Variants in CD200R1L observed in about 807,000 individuals in gnomAD.
CD200R1L encodes the protein CD200 receptor 1 like, also known as cell surface glycoprotein CD200 receptor 2.
CD200R1L carries 14 observed loss-of-function variants against 24.8 expected under a neutral mutation model. That is an observed-to-expected ratio of 0.56 (90% CI 0.37 to 0.88). CD200R1L has a LOEUF of 0.88. Ranked by LOEUF, CD200R1L falls within the 40% of genes least tolerant of loss-of-function variation. The pLI, the probability that CD200R1L is intolerant of heterozygous loss-of-function variation, is 0.00. For synonymous variants in CD200R1L, 111 were observed against 109.2 expected, an observed-to-expected ratio of 1.02 and a Z score of -0.11; for missense variants, 299 against 297.8, an observed-to-expected ratio of 1.00 and a Z score of -0.03.
At chr3:112,843,581 T>A (rs528159941) in intron 2 of CD200R1L, among the ~76,000 whole-genome samples, 1 of 152,336 alleles carries the variant, frequency 6.6e-6, no homozygotes, top group East Asian at 1.9e-4. Flanking sequence ...TGCGGAAATT[T>A]AAGAACAATG....
chr3:112,830,788 AC>A (rs1281513352), intron 3 of CD200R1L, among the ~76,000 whole-genome samples: 1 of 151,724 alleles, frequency 6.6e-6, no homozygotes, highest in Non-Finnish European at 1.5e-5. Flanking sequence ...TATTTTACCC[AC>A]CCTGGATGTA....
At chr3:112,838,222 C>G (rs1414749097) in intron 2 of CD200R1L, among the ~76,000 whole-genome samples, 1 of 146,212 alleles carries the variant, frequency 6.8e-6, no homozygotes, top group Non-Finnish European at 1.5e-5. Context: ...AGGATTTTGA[C>G]ATTTCTTTTG....
chr3:112,818,087 C>T (rs956551650), intron 7 of CD200R1L, among the ~76,000 whole-genome samples: 3 of 152,176 alleles, frequency 2.0e-5, no homozygotes, highest in Admixed American at 6.5e-5. Flanking sequence ...TCCCACAACA[C>T]GTGAGAATTC....
intron 2 of CD200R1L, among the ~76,000 whole-genome samples, chr3:112,843,202 T>C (rs1264190528): frequency 6.6e-6 from 1 of 152,086 alleles, no homozygotes; most frequent in South Asian, 2.1e-4. Flanking sequence ...ACGTGCAAAT[T>C]TGAGAAATTC....
intron 3 of CD200R1L, among the ~76,000 whole-genome samples, chr3:112,836,383 C>T (rs1057317699): frequency 3.9e-5 from 6 of 152,190 alleles, no homozygotes; most frequent in East Asian, 1.9e-4. Context: ...CCAGACAGCC[C>T]GCCACTGCAT....
In CD200R1L at chr3:112,845,723, A is replaced by C; in HGVS notation, c.-131T>G. On this transcript the variant is annotated 5_prime_UTR_variant, in exon 2 of 8. The change abolishes an upstream ATG in the 5' untranslated region. Coordinates refer to ENST00000488794, the MANE Select transcript of CD200R1L (RefSeq NM_001199215.3). ...GGAAATCAGTAATCTTGGAGCTGACATCTTCCCTAAAGTATGCTTTTGGAG... is the reference window on the plus strand; with the variant it reads ...GGAAATCAGTAATCTTGGAGCTGACCTCTTCCCTAAAGTATGCTTTTGGAG... 6.2e-6 allele frequency: 10 copies of C among 1,613,052 alleles called. No individual in the cohort carries two copies. Among genetic ancestry groups the C allele is most frequent in the Non-Finnish European group, 7.6e-6 (9 of 1,179,268 alleles).
Position 112,835,739 on chromosome 3 carries a change from C to T in CD200R1L, c.-18+2203G>A, listed in dbSNP as rs562727351. Among the ~76,000 whole-genome samples the T allele has an allele frequency of 2.4e-4, 37 of 152,364 alleles. 2 individuals are homozygous for T. The highest frequency in any genetic ancestry group is 1.2e-3 in the Admixed American group (19 of 15,312). On this transcript the variant is annotated intron_variant, in intron 3 of 7. Coordinates refer to ENST00000488794, the MANE Select transcript of CD200R1L (RefSeq NM_001199215.3). ...TCAAGCTGCCCTCAGCAACCCCCCT[C>T]GGCCTTTCTCCCATGCTTATTGGTG...
rs758214511 is a variant in CD200R1L at position 112,819,819 on chromosome 3, A to T, written c.693T>A (p.Ile231=). The T allele has an allele frequency of 6.2e-7, 1 of 1,612,016 alleles. No individual in the cohort carries two copies. Among genetic ancestry groups the T allele is most frequent in the Admixed American group, 1.7e-5 (1 of 59,594 alleles). Residue 231 remains isoleucine, a synonymous_variant, in exon 7 of 8, where the codon ATT becomes ATA. Transcript: ENST00000488794. Reference sequence around the variant, plus strand: ...AGAAAACAAATCCTGTGGTGACCAGAATGACCACAAAAAGAGAGAGTTTCA... The same window carrying T: ...AGAAAACAAATCCTGTGGTGACCAGTATGACCACAAAAAGAGAGAGTTTCA... ...LYVKLSLFVV[I]LVTTGFVFFQ...
intron 2 of CD200R1L, among the ~76,000 whole-genome samples, chr3:112,838,233 T>C (rs929256259): frequency 1.4e-5 from 2 of 146,430 alleles, no homozygotes; most frequent in African/African-American, 5.6e-5. Context: ...ATTTCTTTTG[T>C]AGTTATGAAT....
intron 2 of CD200R1L, among the ~76,000 whole-genome samples, chr3:112,845,370 A>C (rs995822661): frequency 3.9e-5 from 6 of 152,198 alleles, no homozygotes. Flanking sequence ...ACTAATAACA[A>C]GTTCTCAAAT....
Position 112,845,964 on chromosome 3 carries a change from C to CA in CD200R1L, c.-358-15dup. On this transcript the variant is annotated splice_polypyrimidine_tract_variant and intron_variant, in intron 1 of 7. Coordinates refer to ENST00000488794, the MANE Select transcript of CD200R1L (RefSeq NM_001199215.3). ...CAGTGAGTTTTGCTGTGTAATAAAGCAAAAAAGCCAATGCTTACTACTCAT... is the reference window on the plus strand; with the variant it reads ...CAGTGAGTTTTGCTGTGTAATAAAGCAAAAAAAGCCAATGCTTACTACTCAT... 1 of 471,224 alleles carries CA rather than the reference C, an allele frequency of 2.1e-6. No homozygotes were observed. Among genetic ancestry groups the CA allele is most frequent in the Non-Finnish European group, 3.8e-6 (1 of 264,442 alleles). 29.2% of individuals were successfully genotyped at this position (471,224 alleles called of 1,614,324 possible). A position where few individuals can be genotyped will look rare whatever the true frequency, so the allele number is the denominator to read the frequency against.
intron 3 of CD200R1L, among the ~76,000 whole-genome samples, chr3:112,831,059 A>G (rs1938786252): frequency 6.6e-6 from 1 of 152,214 alleles, no homozygotes; most frequent in African/African-American, 2.4e-5. Flanking sequence ...TAAACAAAGC[A>G]TCTCATGAAT....
chr3:112,831,645 T>C (rs1038781282), intron 3 of CD200R1L, among the ~76,000 whole-genome samples: 1 of 152,188 alleles, frequency 6.6e-6, no homozygotes, highest in Non-Finnish European at 1.5e-5. Flanking sequence ...GACACAGATA[T>C]GGACACAGGG....
intron 1 of CD200R1L, among the ~76,000 whole-genome samples, chr3:112,846,188 T>G (rs1350289424): frequency 6.6e-6 from 1 of 152,118 alleles, no homozygotes; most frequent in Non-Finnish European, 1.5e-5. Context: ...AAGTGTCCTT[T>G]GTTCCAAAGT....
chr3:112,827,113 A>T lies in CD200R1L; in HGVS notation c.496T>A (p.Trp166Arg). ...GSILATKQEY[W>R]GNGTVTVKST... ...TTAACCGTCACTGTGCCATTGCCCCAGTATTCTTGCTTAGTGGCAAGAATA... is the reference window on the plus strand; with the variant it reads ...TTAACCGTCACTGTGCCATTGCCCCTGTATTCTTGCTTAGTGGCAAGAATA... The change falls in exon 6 of 8, where the codon TGG becomes AGG. Residue 166 changes from tryptophan (W) to arginine (R), a missense_variant. Trp to Arg is a moderately radical substitution (Grantham distance 101). Coordinates refer to ENST00000488794, the MANE Select transcript of CD200R1L (RefSeq NM_001199215.3). 6.2e-7 allele frequency: 1 copy of T among 1,613,516 alleles called. No individual in the cohort carries two copies. Among genetic ancestry groups the T allele is most frequent in the Middle Eastern group, 1.8e-4 (1 of 5,506 alleles).
chr3:112,829,755 G>A (rs1316327787), intron 3 of CD200R1L, among the ~76,000 whole-genome samples: 4 of 152,184 alleles, frequency 2.6e-5, no homozygotes, highest in African/African-American at 9.7e-5. Context: ...AAATGCTGGA[G>A]ACAGCATCTT....
Position 112,846,784 on chromosome 3 carries a change from A to G in CD200R1L, c.-518T>C, listed in dbSNP as rs1441625616. On this transcript the variant is annotated 5_prime_UTR_variant, in exon 1 of 8. An upstream open reading frame in the 5' UTR loses its in-frame stop. Transcript: ENST00000488794. ...CTTCTTAGCTTTTTATGGTGTCCTT[A>G]TAAAAAGAGGAAAACTGGGCGCATA... 1 of 152,096 alleles carries G rather than the reference A, an allele frequency of 6.6e-6. No individual in the cohort carries two copies. Among genetic ancestry groups the G allele is most frequent in the Non-Finnish European group, 1.5e-5 (1 of 68,018 alleles). The allele number at this position is 152,096 out of a possible 1,614,324, so 9.4% of individuals were successfully genotyped here. A position where few individuals can be genotyped will look rare whatever the true frequency, so the allele number is the denominator to read the frequency against.
At chr3:112,838,794 T>A (rs1244457231) in intron 2 of CD200R1L, among the ~76,000 whole-genome samples, 1 of 152,194 alleles carries the variant, frequency 6.6e-6, no homozygotes, top group Non-Finnish European at 1.5e-5. Context: ...GTATTTTGTA[T>A]GTGATTAATA....
At chr3:112,816,867 T>G (rs1938407997) in intron 7 of CD200R1L, among the ~76,000 whole-genome samples, 1 of 152,184 alleles carries the variant, frequency 6.6e-6, no homozygotes. Context: ...CTGATGGTTT[T>G]ATAAGCAGGA....
Sources: allele counts gnomAD v4.1 joint callset (sites outside exome capture counted in the v4.1 genomes callset), GRCh38; gene constraint gnomAD v4.1.1; transcripts MANE v1.5; gene names NCBI Gene and HGNC (gene_info 2026-07-23, HGNC 2026-07-21).